The following CA10 variants were observed in gnomAD, a reference collection of about 807,000 sequenced individuals.
CA10 encodes carbonic anhydrase 10 (inactive).
A neutral mutation model predicts 44.2 loss-of-function variants in CA10; 14 were observed. The observed-to-expected ratio is 0.32, with a 90% CI of 0.21 to 0.50. CA10 has a LOEUF of 0.50. Among genes scored for constraint, CA10 ranks in the 20% least tolerant of loss-of-function variants. CA10 has a pLI of 0.99. For missense variants in CA10, 350 were observed against 409.7 expected, an observed-to-expected ratio of 0.85 and a Z score of 1.26; for synonymous variants, 159 against 141.6, an observed-to-expected ratio of 1.12 and a Z score of -0.87.
At chr17:51,695,707 T>A (rs1212278368) in intron 4 of CA10, among the ~76,000 whole-genome samples, 5 of 152,166 alleles carry the variant, frequency 3.3e-5, no homozygotes, top group African/African-American at 1.2e-4. Flanking sequence ...CTGTGTTGAA[T>A]AGAAGTAGTG....
chr17:51,880,374 T>A (rs926829493), intron 3 of CA10, among the ~76,000 whole-genome samples: 2 of 152,192 alleles, frequency 1.3e-5, no homozygotes, highest in African/African-American at 4.8e-5. Context: ...TGGCATGATC[T>A]TGCCTCACTG....
At chr17:51,767,486 T>C (rs1235299557) in intron 3 of CA10, among the ~76,000 whole-genome samples, 1 of 152,216 alleles carries the variant, frequency 6.6e-6, no homozygotes, top group Admixed American at 6.5e-5. Context: ...TTGTTACAAC[T>C]AATAAGGTAA....
rs192023872 is a variant in CA10, at chr17:51,693,760, G to A, written c.466-40024C>T. ...ATTCACTGCTAATGGGGGGCCCCTA[G>A]GTTGATCCACGTCTTTGTTATTGTA... On this transcript the variant is annotated intron_variant, in intron 4 of 8. Transcript: ENST00000451037. Among the ~76,000 whole-genome samples the A allele has an allele frequency of 1.7e-4, 26 of 152,268 alleles. No individual in the cohort carries two copies. In the East Asian group the frequency reaches 4.4e-3, roughly 26 times the overall value.
chr17:52,154,618 CCT>C (rs1368461275), intron 1 of CA10, among the ~76,000 whole-genome samples: 2 of 152,098 alleles, frequency 1.3e-5, no homozygotes, highest in African/African-American at 4.8e-5. Context: ...TCTCTCTCTC[CCT>C]CTCTCTTTCT....
intron 3 of CA10, among the ~76,000 whole-genome samples, chr17:51,889,283 A>T (rs1980750107): frequency 6.6e-6 from 1 of 152,116 alleles, no homozygotes; most frequent in Non-Finnish European, 1.5e-5. Context: ...ACACTTTGGG[A>T]GGCTGGAGAA....
rs1384230078 is a variant in CA10 at position 51,631,439 on chromosome 17, C to A, written c.*145G>T. The A allele has an allele frequency of 1.1e-5, 9 of 789,266 alleles. No homozygotes were observed. The highest frequency in any genetic ancestry group is 1.8e-5 in the Non-Finnish European group (8 of 453,894). 48.9% of individuals were successfully genotyped at this position (789,266 alleles called of 1,614,324 possible). On this transcript the variant is annotated 3_prime_UTR_variant, in exon 9 of 9. Coordinates refer to ENST00000451037, the MANE Select transcript of CA10 (RefSeq NM_020178.5). ...TTCCTCTGCCATGGTTTTGCAGACA[C>A]TTTTCATGAAGAAAGGGCCAATCCC...
intron 3 of CA10, among the ~76,000 whole-genome samples, chr17:51,895,689 A>C (rs1358534095): frequency 1.3e-5 from 2 of 152,100 alleles, no homozygotes; most frequent in African/African-American, 2.4e-5. Flanking sequence ...GATAATTTTT[A>C]ACAATATGAA....
At chr17:52,055,277 G>A (rs1280689641) in intron 2 of CA10, among the ~76,000 whole-genome samples, 1 of 150,702 alleles carries the variant, frequency 6.6e-6, no homozygotes, top group Non-Finnish European at 1.5e-5. Context: ...TAAAGTGTGA[G>A]GGTGAAGACA....
At chr17:52,088,426 A>C (rs1727605056) in intron 1 of CA10, among the ~76,000 whole-genome samples, 1 of 152,184 alleles carries the variant, frequency 6.6e-6, no homozygotes, top group Admixed American at 6.5e-5. Context: ...ACTCTAGAGG[A>C]GTATGTGCAC....
chr17:52,138,715 C>A (rs1989412416), intron 1 of CA10, among the ~76,000 whole-genome samples: 1 of 152,218 alleles, frequency 6.6e-6, no homozygotes, highest in African/African-American at 2.4e-5. Context: ...GCTGTTTCTA[C>A]ACAGCAGTGG....
intron 1 of CA10, among the ~76,000 whole-genome samples, chr17:52,130,040 A>C (rs1189268016): frequency 6.6e-6 from 1 of 152,196 alleles, no homozygotes; most frequent in African/African-American, 2.4e-5. Context: ...AACAGGTATA[A>C]GAAAAAATGC....
chr17:52,070,633 A>G (rs1363666339), intron 2 of CA10: 1 of 152,190 alleles, frequency 6.6e-6, no homozygotes, highest in Non-Finnish European at 1.5e-5. Flanking sequence ...AGGTTTACAT[A>G]TATTATCTCA....
intron 1 of CA10, among the ~76,000 whole-genome samples, chr17:52,095,326 T>G (rs1567731687): frequency 6.6e-6 from 1 of 152,038 alleles, no homozygotes; most frequent in Non-Finnish European, 1.5e-5. Context: ...CGAAGGGTGT[T>G]GGTAATTGAC....
rs190155080 is a variant in CA10, at chr17:52,102,148, C to T, written c.62-29755G>A. ...ATTTCAAATTACTTTCCCATGTATTCTAACTCCCTATAACACTCTCTCAGC... is the reference window on the plus strand; with the variant it reads ...ATTTCAAATTACTTTCCCATGTATTTTAACTCCCTATAACACTCTCTCAGC... On this transcript the variant is annotated intron_variant, in intron 1 of 8. Coordinates refer to ENST00000451037, the MANE Select transcript of CA10 (RefSeq NM_020178.5). 3.6e-3 allele frequency among the ~76,000 whole-genome samples: 553 copies of T among 152,324 alleles called. 4 individuals are homozygous for T. The highest frequency in any genetic ancestry group is 0.029 in the South Asian group (141 of 4,826).
chr17:51,908,820 T>A (rs887283095), intron 3 of CA10, among the ~76,000 whole-genome samples: 1 of 152,178 alleles, frequency 6.6e-6, no homozygotes, highest in Non-Finnish European at 1.5e-5. Flanking sequence ...TCCAGTGATG[T>A]ATTTAGTACC....
At chr17:52,084,822 A>C (rs35631715) in intron 1 of CA10, among the ~76,000 whole-genome samples, 11,697 of 152,168 alleles carry the variant, frequency 0.077, 475 homozygotes, top group South Asian at 0.19. Flanking sequence ...TATATTAGCC[A>C]TATCTCCTTT....
chr17:51,944,169 C>G (rs1412040671), intron 2 of CA10, among the ~76,000 whole-genome samples: 1 of 152,186 alleles, frequency 6.6e-6, no homozygotes, highest in Non-Finnish European at 1.5e-5. Context: ...CCAATTCCCA[C>G]ATTTTAAAAT....
chr17:51,854,412 A>G (rs982731525), intron 3 of CA10, among the ~76,000 whole-genome samples: 1 of 152,326 alleles, frequency 6.6e-6, no homozygotes, highest in Middle Eastern at 3.4e-3. Flanking sequence ...AGTGAAATGC[A>G]TGTCCATGCA....
chr17:51,656,135 A>T lies in CA10; in HGVS notation c.466-2399T>A, dbSNP rs555767978. ...CCCTGCCATCTGCTAACTTCTTCCC[A>T]CTGATACAGGTGACCAACAAAACTG... is the stretch of plus-strand genomic sequence containing the variant. On this transcript the variant is annotated intron_variant, in intron 4 of 8. Coordinates refer to ENST00000451037, the MANE Select transcript of CA10 (RefSeq NM_020178.5). Among the ~76,000 whole-genome samples the T allele has an allele frequency of 3.3e-5, 5 of 152,272 alleles. No individual in the cohort carries two copies. In the South Asian group the frequency reaches 8.3e-4, roughly 25 times the overall value.
Sources: allele counts gnomAD v4.1 joint callset (sites outside exome capture counted in the v4.1 genomes callset), GRCh38; gene constraint gnomAD v4.1.1; transcripts MANE v1.5; gene names NCBI Gene and HGNC (gene_info 2026-07-23, HGNC 2026-07-21).